The following ZFYVE28 variants were observed in gnomAD, a reference collection of about 807,000 sequenced individuals.
ZFYVE28 encodes the protein zinc finger FYVE-type containing 28, also known as lateral signaling target protein 2 homolog.
ZFYVE28 carries 40 observed loss-of-function variants against 82.1 expected under a neutral mutation model. The observed-to-expected ratio is 0.49, with a 90% confidence interval of 0.38 to 0.63. ZFYVE28 has a LOEUF of 0.63. Ranked by LOEUF, ZFYVE28 falls within the 30% of genes least tolerant of loss-of-function variation. The pLI, the probability that ZFYVE28 is intolerant of heterozygous loss-of-function variation, is 0.00. For synonymous variants in ZFYVE28, 612 were observed against 546.1 expected (o/e 1.12, Z -1.68); for missense variants, 1,321 against 1,242.1 (o/e 1.06, Z -0.96).
intron 7 of ZFYVE28, 24 bp from the exon 8 acceptor site, chr4:2,305,560 G>A: frequency 6.2e-7 from 1 of 1,612,536 alleles, no homozygotes; most frequent in Non-Finnish European, 8.5e-7. Flanking sequence ...CAAAACCCAA[G>A]GGTGAGGGTC....
rs188106593 is a variant in ZFYVE28, at chr4:2,397,338, C to T, written c.39+20947G>A. 1.6e-4 allele frequency among the ~76,000 whole-genome samples: 25 copies of T among 152,104 alleles called. No homozygotes were observed. The East Asian group carries it at 3.7e-3, about 22-fold the overall frequency. ...CTAAAAATACAAAAAATTAGCCTTA[C>T]GTGGCGGCACGTGCCTGTAATCTCA... is the stretch of plus-strand genomic sequence containing the variant. On this transcript the variant is annotated intron_variant, in intron 1 of 12. Coordinates refer to ENST00000290974, the MANE Select transcript of ZFYVE28 (RefSeq NM_020972.3).
intron 1 of ZFYVE28, chr4:2,364,688 A>G (rs988281613): frequency 3.0e-6 from 3 of 985,484 alleles, no homozygotes; most frequent in Non-Finnish European, 3.6e-6. Context: ...ACAAGCCCTT[A>G]GCACCTCGCG....
intron 6 of ZFYVE28, chr4:2,330,127 G>T (rs538344496): frequency 7.7e-6 from 2 of 260,260 alleles, no homozygotes; most frequent in South Asian, 2.9e-4. Context: ...AGGATAATAG[G>T]GGGTGGAGGT....
Position 2,335,111 on chromosome 4 carries a change from A to G in ZFYVE28, c.701+594T>C, listed in dbSNP as rs1721463465. On this transcript the variant is annotated intron_variant, in intron 6 of 12. Coordinates refer to ENST00000290974, the MANE Select transcript of ZFYVE28 (RefSeq NM_020972.3). This position sits in a 1 kb window ranked among gnomAD's most constrained non-coding sequence, Gnocchi z 5.8. ...TGCTGTGTTCACGTCCTTGAGCCCC[A>G]CAGGACCCTACAGGCTGCCTTGAGT... Among the ~76,000 whole-genome samples, 1 of 151,144 alleles carries G rather than the reference A, an allele frequency of 6.6e-6. No individual in the cohort carries two copies.
chr4:2,405,155 C>A (rs1206698373), intron 1 of ZFYVE28, among the ~76,000 whole-genome samples: 1 of 152,236 alleles, frequency 6.6e-6, no homozygotes, highest in Non-Finnish European at 1.5e-5. Flanking sequence ...AAGTGAGCCC[C>A]AGATACCCCC....
At position 2,327,224 on chromosome 4, in the gene ZFYVE28, T is replaced by TG. The variant is rs369274019; in HGVS notation, c.702-6954dup. 4.4e-3 allele frequency among the ~76,000 whole-genome samples: 595 copies of TG among 134,692 alleles called. 12 individuals are homozygous for TG. The highest frequency in any genetic ancestry group is 0.016 in the African/African-American group (558 of 35,474). 88.4% of individuals were successfully genotyped at this position (134,692 alleles called of 152,430 possible). A position where few individuals can be genotyped will look rare whatever the true frequency, so the allele number is the denominator to read the frequency against. On this transcript the variant is annotated intron_variant, in intron 6 of 12. Coordinates refer to ENST00000290974, the MANE Select transcript of ZFYVE28 (RefSeq NM_020972.3). ...GAGATCGCACCACTGCACTCCAGCCTGGGTGACGGAGCAAGACTCCATCTC... is the reference window on the plus strand; with the variant it reads ...GAGATCGCACCACTGCACTCCAGCCTGGGGTGACGGAGCAAGACTCCATCTC...
intron 5 of ZFYVE28, among the ~76,000 whole-genome samples, 153 bp downstream of exon 5, chr4:2,337,254 G>A (rs543982005): frequency 2.6e-5 from 4 of 152,104 alleles, no homozygotes; most frequent in South Asian, 2.1e-4. Context: ...AGGAGAAGCC[G>A]GATGTAGTGT....
chr4:2,367,176 A>T (rs1726980300), intron 1 of ZFYVE28, among the ~76,000 whole-genome samples: 1 of 152,220 alleles, frequency 6.6e-6, no homozygotes, highest in Non-Finnish European at 1.5e-5. Context: ...GTGCTGCGTG[A>T]CCAAATGGAA....
Position 2,311,330 on chromosome 4 carries a change from C to A in ZFYVE28, c.804-5794G>T, listed in dbSNP as rs976582680. ...CACAAGGTCAGGAGTTCGAGACCAG[C>A]CTGGCCAACACAGTGAAACCCTGTC... On this transcript the variant is annotated intron_variant, in intron 7 of 12. Transcript: ENST00000290974. Among the ~76,000 whole-genome samples the A allele has an allele frequency of 3.9e-5, 6 of 152,248 alleles. No individual in the cohort carries two copies. The East Asian group carries it at 1.2e-3, about 29-fold the overall frequency.
rs11936473 is a variant in ZFYVE28, at chr4:2,332,766, C to T, written c.701+2939G>A. ...GGCCCCAGTGAGCATCCCAGAGGGG[C>T]GGCCTTAGGAACAGCTGCCCACTCA... On this transcript the variant is annotated intron_variant, in intron 6 of 12. Transcript: ENST00000290974. This position sits in a 1 kb window ranked among gnomAD's most constrained non-coding sequence, Gnocchi z 4.7. 0.14 allele frequency among the ~76,000 whole-genome samples: 20,880 copies of T among 152,074 alleles called. 1,632 individuals are homozygous for T. The highest frequency in any genetic ancestry group is 0.17 in the Non-Finnish European group (11,241 of 67,960).
In ZFYVE28 at chr4:2,320,317, C is replaced by T; in HGVS notation, c.702-46G>A. 6.3e-7 allele frequency: 1 copy of T among 1,583,232 alleles called. No individual in the cohort carries two copies. Among genetic ancestry groups the T allele is most frequent in the South Asian group, 1.1e-5 (1 of 89,206 alleles). On this transcript the variant is annotated intron_variant, in intron 6 of 12. Transcript: ENST00000290974. This position sits in a 1 kb window ranked among gnomAD's most constrained non-coding sequence, Gnocchi z 5.1. ...CCAGGATGTCAGGCCCTGTGGCCCCCTGGGTGCCGCGGACGGCCCAACTTA... is the reference window on the plus strand; with the variant it reads ...CCAGGATGTCAGGCCCTGTGGCCCCTTGGGTGCCGCGGACGGCCCAACTTA...
At position 2,304,572 on chromosome 4, in the gene ZFYVE28, C is replaced by T. The variant is rs201300192; in HGVS notation, c.1768G>A (p.Val590Ile). Residue 590 changes from valine to isoleucine, a missense_variant, in exon 8 of 13, where the codon GTC becomes ATC. Coordinates refer to ENST00000290974, the MANE Select transcript of ZFYVE28 (RefSeq NM_020972.3). ...CCGGCAGCGTACGAGGCACCAATGA[C>T]GCCTCCCGGGCTGCACTTCTCCCGC... is the stretch of plus-strand genomic sequence containing the variant. ...RLREKCSPGG[V>I]IGASYAAGLA... 1.1e-4 allele frequency: 170 copies of T among 1,612,576 alleles called. No homozygotes were observed. The highest frequency in any genetic ancestry group is 9.1e-4 in the East Asian group (41 of 44,872).
intron 1 of ZFYVE28, among the ~76,000 whole-genome samples, chr4:2,403,431 G>T (rs1486389662): frequency 1.3e-5 from 2 of 152,238 alleles, no homozygotes; most frequent in African/African-American, 4.8e-5. Flanking sequence ...GCACGGCCCT[G>T]GCCATCCCTG....
chr4:2,404,877 T>TTTG (rs1731682852), intron 1 of ZFYVE28, among the ~76,000 whole-genome samples: 1 of 149,124 alleles, frequency 6.7e-6, no homozygotes, highest in South Asian at 2.2e-4. Flanking sequence ...TTTTTTTTTT[T>TTTG]GAGAGAGGGT....
At chr4:2,343,334 C>T (rs545276825) in intron 2 of ZFYVE28, 18 of 152,304 alleles carry the variant, frequency 1.2e-4, no homozygotes, top group African/African-American at 4.1e-4. Context: ...TCTCGACCAT[C>T]CCTCCTGAGG....
chr4:2,412,128 C>G (rs1250021816), intron 1 of ZFYVE28, among the ~76,000 whole-genome samples: 1 of 152,190 alleles, frequency 6.6e-6, no homozygotes, highest in African/African-American at 2.4e-5. Context: ...CTGAGGCGTA[C>G]TAAGTCAGGG....
intron 1 of ZFYVE28, among the ~76,000 whole-genome samples, chr4:2,357,976 A>G (rs1223665786): frequency 6.6e-6 from 1 of 152,178 alleles, no homozygotes; most frequent in Non-Finnish European, 1.5e-5. Flanking sequence ...ACGCAGGTGC[A>G]TGAAAGGCTG....
Position 2,273,134 on chromosome 4 carries a change from C to T in ZFYVE28, c.2323+39G>A, listed in dbSNP as rs370164335. ...TCCCTGTGGGCAGGGACACGGCCAC[C>T]AGCGCAGGCCTCAGAGCCCGTCCTG... On this transcript the variant is annotated intron_variant, in intron 10 of 12. Transcript: ENST00000290974. 9.2e-6 allele frequency: 14 copies of T among 1,525,876 alleles called. No homozygotes were observed. In the African/African-American group the frequency reaches 1.2e-4, roughly 13 times the overall value. The allele number at this position is 1,525,876 out of a possible 1,614,324, so 94.5% of individuals were successfully genotyped here.
chr4:2,274,415 G>A (rs1436151739), intron 8 of ZFYVE28, among the ~76,000 whole-genome samples, 199 bp from the exon 9 acceptor site: 2 of 152,148 alleles, frequency 1.3e-5, no homozygotes, highest in Non-Finnish European at 2.9e-5. Flanking sequence ...ACATATACCA[G>A]GTGGTACAAC....
Sources: allele counts gnomAD v4.1 joint callset (sites outside exome capture counted in the v4.1 genomes callset), GRCh38; gene constraint gnomAD v4.1.1; non-coding constraint Gnocchi (gnomAD v3.1); transcripts MANE v1.5; gene names NCBI Gene and HGNC (gene_info 2026-07-23, HGNC 2026-07-21).